The following SUMF1 variants were observed in gnomAD, a reference collection of about 807,000 sequenced individuals.
SUMF1 encodes sulfatase modifying factor 1.
A neutral mutation model predicts 47.6 loss-of-function variants in SUMF1; 48 were observed. The observed-to-expected ratio is 1.01, with a 90% CI of 0.80 to 1.28. SUMF1 has a LOEUF of 1.28. Among genes scored for constraint, SUMF1 ranks in the 50% most tolerant of loss-of-function variants. SUMF1 has a pLI of 0.00. For synonymous variants in SUMF1, 230 were observed against 192.1 expected (o/e 1.20, Z -1.63); for missense variants, 571 against 485.4 (o/e 1.18, Z -1.66).
intron 8 of SUMF1, among the ~76,000 whole-genome samples, chr3:4,084,852 G>A (rs1239275017): frequency 1.3e-5 from 2 of 152,062 alleles, no homozygotes; most frequent in African/African-American, 4.8e-5. Context: ...TAAAGATGAG[G>A]AGAGGACCAT....
rs551353546 is a variant in SUMF1, at chr3:4,364,038, G to A, written c.1015-1784C>T. 2.6e-3 allele frequency among the ~76,000 whole-genome samples: 334 copies of A among 130,804 alleles called. 6 individuals carry two copies. The highest frequency in any genetic ancestry group is 8.7e-3 in the African/African-American group (313 of 36,034). The allele number at this position is 130,804 out of a possible 152,430, so 85.8% of individuals were successfully genotyped here. ...TGCTGGATTACATTTATTCATTTGC[G>A]TATATTGAACCAGACTTGCATCCCA... On this transcript the variant is annotated intron_variant, in intron 8 of 8. Coordinates refer to ENST00000272902, the MANE Select transcript of SUMF1 (RefSeq NM_182760.4).
At chr3:4,270,974 A>G (rs370944881) in intron 8 of SUMF1, among the ~76,000 whole-genome samples, 26 of 152,212 alleles carry the variant, frequency 1.7e-4, no homozygotes, top group African/African-American at 5.8e-4. Flanking sequence ...TGAAGGCAAC[A>G]AAGAGAAAAC....
intron 8 of SUMF1, among the ~76,000 whole-genome samples, chr3:4,267,235 C>T (rs1697214114): frequency 6.6e-6 from 1 of 152,122 alleles, no homozygotes; most frequent in Admixed American, 6.5e-5. Context: ...TGATGCTGGC[C>T]TCATAAAATG....
chr3:4,215,655 AG>A (rs1221003607), intron 8 of SUMF1, among the ~76,000 whole-genome samples: 1 of 152,194 alleles, frequency 6.6e-6, no homozygotes, highest in Non-Finnish European at 1.5e-5. Context: ...CCATAGTCTC[AG>A]CCCAAAATCT....
chr3:4,422,100 T>C (rs923564813), intron 3 of SUMF1, among the ~76,000 whole-genome samples: 8 of 152,222 alleles, frequency 5.3e-5, no homozygotes, highest in South Asian at 2.1e-4. Flanking sequence ...GCAAGGTGTT[T>C]TATTTTACAG....
chr3:4,088,255 C>A (rs1370229446), intron 8 of SUMF1, among the ~76,000 whole-genome samples: 3 of 152,014 alleles, frequency 2.0e-5, no homozygotes, highest in African/African-American at 7.3e-5. Context: ...CAGGTAAGAC[C>A]AGTCTGCTTT....
chr3:4,262,837 A>G (rs1697114950), intron 8 of SUMF1, among the ~76,000 whole-genome samples: 1 of 152,144 alleles, frequency 6.6e-6, no homozygotes, highest in Non-Finnish European at 1.5e-5. Context: ...CCCCAACCAC[A>G]TGGTCCAAGA....
At chr3:4,161,430 C>T (rs1271187580) in intron 8 of SUMF1, among the ~76,000 whole-genome samples, 1 of 152,144 alleles carries the variant, frequency 6.6e-6, no homozygotes, top group Non-Finnish European at 1.5e-5. Flanking sequence ...GAGATGCAGT[C>T]TGGTAGCCAG....
chr3:4,460,826 T>G (rs2079796881), intron 1 of SUMF1, among the ~76,000 whole-genome samples: 1 of 151,716 alleles, frequency 6.6e-6, no homozygotes, highest in South Asian at 2.1e-4. Flanking sequence ...CCTGCTAATT[T>G]TTTTTTTTAG....
intron 8 of SUMF1, among the ~76,000 whole-genome samples, chr3:4,202,934 A>G (rs1838304): frequency 0.66 from 100,816 of 151,654 alleles, 33,645 homozygotes; most frequent in South Asian, 0.73. Flanking sequence ...TGTGGTCAGG[A>G]AAGATACTTG....
At chr3:4,058,710 A>G (rs553173037) in intron 9 of SUMF1, among the ~76,000 whole-genome samples, 2 of 152,302 alleles carry the variant, frequency 1.3e-5, no homozygotes, top group African/African-American at 2.4e-5. Context: ...CACTGCTAGA[A>G]ATAAAGTAGA....
intron 8 of SUMF1, among the ~76,000 whole-genome samples, chr3:4,106,823 A>G (rs1415611241): frequency 1.3e-5 from 2 of 152,138 alleles, no homozygotes; most frequent in African/African-American, 4.8e-5. Flanking sequence ...CCTGACAGTG[A>G]AACAAATTAG....
intron 8 of SUMF1, among the ~76,000 whole-genome samples, chr3:4,225,466 G>C (rs922613521): frequency 6.6e-6 from 1 of 152,126 alleles, no homozygotes; most frequent in Non-Finnish European, 1.5e-5. Flanking sequence ...ATGAATGCTT[G>C]TGTCATAAAA....
At chr3:4,206,069 G>T (rs1232632669) in intron 8 of SUMF1, among the ~76,000 whole-genome samples, 2 of 151,916 alleles carry the variant, frequency 1.3e-5, no homozygotes, top group African/African-American at 4.8e-5. Flanking sequence ...AGGAACTAGG[G>T]CCTGAAATGA....
intron 8 of SUMF1, among the ~76,000 whole-genome samples, chr3:4,218,568 G>C (rs980021019): frequency 6.6e-6 from 1 of 152,070 alleles, no homozygotes; most frequent in East Asian, 1.9e-4. Flanking sequence ...ACCTAAGGTC[G>C]CACTAAACTG....
chr3:4,264,981 A>C (rs1453249340), intron 8 of SUMF1, among the ~76,000 whole-genome samples: 1 of 151,978 alleles, frequency 6.6e-6, no homozygotes, highest in East Asian at 1.9e-4. Flanking sequence ...TAAAAATACA[A>C]AATTAGCTGT....
intron 8 of SUMF1, among the ~76,000 whole-genome samples, chr3:4,287,621 T>C (rs559500367): frequency 6.6e-6 from 1 of 152,288 alleles, no homozygotes; most frequent in African/African-American, 2.4e-5. Context: ...CGTGGCACAA[T>C]CTAATGTTGA....
intron 8 of SUMF1, among the ~76,000 whole-genome samples, chr3:4,077,146 T>C (rs1692456818): frequency 1.3e-5 from 2 of 152,024 alleles, no homozygotes; most frequent in South Asian, 4.1e-4. Context: ...CGTTAAAAAG[T>C]CAGGAAACAA....
At chr3:4,366,861 G>C (rs1382504332) in intron 8 of SUMF1, among the ~76,000 whole-genome samples, 1 of 152,048 alleles carries the variant, frequency 6.6e-6, no homozygotes, top group Non-Finnish European at 1.5e-5. Flanking sequence ...TCTACTTTTG[G>C]TGTTTGATGA....
Sources: allele counts gnomAD v4.1 joint callset (sites outside exome capture counted in the v4.1 genomes callset), GRCh38; gene constraint gnomAD v4.1.1; transcripts MANE v1.5; gene names NCBI Gene and HGNC (gene_info 2026-07-23, HGNC 2026-07-21).